Variants in NDUFA9 observed in about 807,000 individuals in gnomAD.
The protein encoded by NDUFA9 is NADH dehydrogenase [ubiquinone] 1 alpha subcomplex subunit 9, mitochondrial.
NDUFA9 carries 23 observed loss-of-function variants against 45.9 expected under a neutral mutation model. That is an observed-to-expected ratio of 0.50 (90% CI 0.36 to 0.71). NDUFA9 has a LOEUF of 0.71. NDUFA9 is among the 30% of genes least tolerant of loss of function. The pLI, the probability that NDUFA9 is intolerant of heterozygous loss-of-function variation, is 0.00. For synonymous variants in NDUFA9, 176 were observed against 170.5 expected (o/e 1.03, Z -0.25); for missense variants, 466 against 488.2 (o/e 0.95, Z 0.43).
intron 1 of NDUFA9, among the ~76,000 whole-genome samples, chr12:4,651,631 A>G (rs1318144398): frequency 6.6e-6 from 1 of 152,174 alleles, no homozygotes; most frequent in Admixed American, 6.5e-5. Context: ...TACGTGGTTT[A>G]TGTATGTTTA....
At chr12:4,686,914 C>G (rs766640819) in intron 10 of NDUFA9, 24 bp from the exon 11 acceptor site, 71 of 1,610,124 alleles carry the variant, frequency 4.4e-5, no homozygotes, top group Non-Finnish European at 5.9e-5. Flanking sequence ...TCAGCATTGT[C>G]TGTGGTCCTT....
At position 4,657,730 on chromosome 12, in the gene NDUFA9, T is replaced by C. The variant is rs770256173; in HGVS notation, c.319-18T>C. On this transcript the variant is annotated intron_variant, in intron 3 of 10. Transcript: ENST00000266544. The stretch of plus-strand genomic sequence containing the variant: ...GTATACCCCTATGTTTTCATCCGAT[T>C]GCTTTCTGCTATTATAGGAATGGGA... The C allele has an allele frequency of 1.6e-5, 26 of 1,586,622 alleles. No homozygotes were observed. Among genetic ancestry groups the C allele is most frequent in the East Asian group, 4.5e-5 (2 of 44,730 alleles).
At position 4,654,383 on chromosome 12, in the gene NDUFA9, A is replaced by T. The variant is rs770577184; in HGVS notation, c.141A>T (p.Gly47=). The T allele has an allele frequency of 3.1e-6, 5 of 1,614,176 alleles. No individual in the cohort carries two copies. The highest frequency in any genetic ancestry group is 1.6e-4 in the Middle Eastern group (1 of 6,062). ...HHALMPHGKG[G]RSSVSGIVAT... ...CCCTCATGCCTCATGGGAAAGGTGG[A>T]CGTTCCTCAGTCAGTGGGATTGTGG... The change falls in exon 2 of 11, where the codon GGA becomes GGT. Residue 47 remains glycine, a synonymous_variant. Transcript: ENST00000266544.
intron 5 of NDUFA9, among the ~76,000 whole-genome samples, chr12:4,659,494 AC>A (rs1363640508): frequency 2.0e-5 from 3 of 152,194 alleles, no homozygotes; most frequent in Non-Finnish European, 2.9e-5. Context: ...AAGGAATCAT[AC>A]CTGTGTCATC....
At chr12:4,684,364 C>G (rs1945971281) in intron 9 of NDUFA9, among the ~76,000 whole-genome samples, 1 of 152,174 alleles carries the variant, frequency 6.6e-6, no homozygotes, top group South Asian at 2.1e-4. Context: ...AATAAAAGAG[C>G]TGGTCTGGTT....
chr12:4,670,182 G>GT (rs1945877885), intron 8 of NDUFA9, among the ~76,000 whole-genome samples: 1 of 152,198 alleles, frequency 6.6e-6, no homozygotes, highest in African/African-American at 2.4e-5. Context: ...TTTTGATGGA[G>GT]TATCACAATG....
intron 9 of NDUFA9, among the ~76,000 whole-genome samples, chr12:4,684,297 C>T (rs1170452847): frequency 2.6e-5 from 4 of 152,162 alleles, no homozygotes; most frequent in Non-Finnish European, 4.4e-5. Flanking sequence ...AGCCTTTAAA[C>T]GGCTGTGGAA....
intron 3 of NDUFA9, chr12:4,655,790 G>C (rs1471316530): frequency 6.6e-6 from 1 of 152,166 alleles, no homozygotes; most frequent in East Asian, 1.9e-4. Context: ...GTAGAGGAGG[G>C]CCATTAAGGG....
intron 7 of NDUFA9, among the ~76,000 whole-genome samples, chr12:4,669,082 ACC>A (rs1484573165): frequency 6.6e-6 from 1 of 152,190 alleles, no homozygotes; most frequent in African/African-American, 2.4e-5. Context: ...GTTAGATTGA[ACC>A]AAGTTTTCTC....
chr12:4,655,882 A>G (rs1227832394), intron 3 of NDUFA9: 3 of 152,194 alleles, frequency 2.0e-5, no homozygotes, highest in Admixed American at 1.3e-4. Context: ...GATGCTAAAT[A>G]TCCTACGGAG....
At chr12:4,673,346 A>G (rs544506937) in intron 8 of NDUFA9, among the ~76,000 whole-genome samples, 75 of 152,330 alleles carry the variant, frequency 4.9e-4, no homozygotes, top group Non-Finnish European at 9.0e-4. Flanking sequence ...CCAGCAAGGA[A>G]ACAAAACTGG....
intron 8 of NDUFA9, among the ~76,000 whole-genome samples, chr12:4,672,837 T>G (rs912774863): frequency 1.1e-4 from 17 of 152,218 alleles, no homozygotes; most frequent in African/African-American, 3.9e-4. Context: ...GCCTGGCAGC[T>G]CTGAAGAAAG....
At chr12:4,686,655 T>C (rs888237101) in intron 10 of NDUFA9, among the ~76,000 whole-genome samples, 5 of 152,104 alleles carry the variant, frequency 3.3e-5, no homozygotes, top group Non-Finnish European at 1.5e-5. Context: ...TTGAAATCTG[T>C]ATATAGAATG....
rs1946016873 is a variant in NDUFA9 at position 4,691,162 on chromosome 12, G to T, written c.*4054G>T. On this transcript the variant is annotated 3_prime_UTR_variant, in exon 11 of 11. Coordinates refer to ENST00000266544, the MANE Select transcript of NDUFA9 (RefSeq NM_005002.5). ...GCCTCAGTTTTCTTGTTTATAAAAT[G>T]GGGGTGATAGTAATAACTACATGAT... 6.6e-6 allele frequency: 1 copy of T among 152,172 alleles called. No individual in the cohort carries two copies. Among genetic ancestry groups the T allele is most frequent in the Non-Finnish European group, 1.5e-5 (1 of 68,024 alleles). The allele number at this position is 152,172 out of a possible 1,614,324, so 9.4% of individuals were successfully genotyped here. A position where few individuals can be genotyped will look rare whatever the true frequency, so the allele number is the denominator to read the frequency against.
Position 4,675,383 on chromosome 12 carries a change from T to C in NDUFA9, c.800+5566T>C, listed in dbSNP as rs1591548473. Among the ~76,000 whole-genome samples, 3 of 151,972 alleles carry C rather than the reference T, an allele frequency of 2.0e-5. No homozygotes were observed. The South Asian group carries it at 6.2e-4, about 32-fold the overall frequency. On this transcript the variant is annotated intron_variant, in intron 8 of 10. Coordinates refer to ENST00000266544, the MANE Select transcript of NDUFA9 (RefSeq NM_005002.5). ...AAAAATCAATGAATCCAGGAGCTGG[T>C]TTTTTTCAACAACATAGATAGACTG...
In NDUFA9 at chr12:4,687,232, A is replaced by C; in HGVS notation, c.*124A>C. 1 of 845,482 alleles carries C rather than the reference A, an allele frequency of 1.2e-6. No homozygotes were observed. The highest frequency in any genetic ancestry group is 1.7e-6 in the Non-Finnish European group (1 of 576,490). The allele number at this position is 845,482 out of a possible 1,614,324, so 52.4% of individuals were successfully genotyped here. On this transcript the variant is annotated 3_prime_UTR_variant, in exon 11 of 11. Coordinates refer to ENST00000266544, the MANE Select transcript of NDUFA9 (RefSeq NM_005002.5). ...TCCACTATTAAAACATTTCAGGTTG[A>C]ATTCTGCAGTATTTTCTTCCTTGAT...
intron 9 of NDUFA9, among the ~76,000 whole-genome samples, chr12:4,683,715 A>G (rs1012760994): frequency 1.3e-5 from 2 of 152,234 alleles, no homozygotes; most frequent in African/African-American, 4.8e-5. Context: ...CCAAAAAGTG[A>G]TCAGGCATTT....
chr12:4,661,807 G>A (rs185789541), intron 5 of NDUFA9, among the ~76,000 whole-genome samples: 23 of 151,782 alleles, frequency 1.5e-4, no homozygotes, highest in Admixed American at 9.2e-4. Context: ...CCAAGAGCAG[G>A]ATGTCTTCAT....
intron 6 of NDUFA9, among the ~76,000 whole-genome samples, chr12:4,665,643 C>A (rs12578481): frequency 6.6e-6 from 1 of 152,118 alleles, no homozygotes; most frequent in East Asian, 1.9e-4. Flanking sequence ...TTTCGACAAG[C>A]CACCATAGTG....
Sources: allele counts gnomAD v4.1 joint callset (sites outside exome capture counted in the v4.1 genomes callset), GRCh38; gene constraint gnomAD v4.1.1; transcripts MANE v1.5; gene names NCBI Gene and HGNC (gene_info 2026-07-23, HGNC 2026-07-21).